Variants in SLC15A5 observed in about 807,000 individuals in gnomAD.
SLC15A5 encodes Peptide/histidine transporter ENSP00000340402.
Under a neutral mutation model 56.1 loss-of-function variants are expected in SLC15A5, and 58 were observed. The observed-to-expected ratio is 1.03, with a 90% CI of 0.84 to 1.29. SLC15A5 has a LOEUF of 1.29. Among genes scored for constraint, SLC15A5 ranks in the 50% most tolerant of loss-of-function variants. The pLI is 0.00. For missense variants in SLC15A5, 681 were observed against 672.1 expected (o/e 1.01, Z -0.15); for synonymous variants, 264 against 250.5 (o/e 1.05, Z -0.51).
intron 8 of SLC15A5, among the ~76,000 whole-genome samples, chr12:16,193,756 C>CAG (rs2136237099): frequency 1.8e-5 from 2 of 111,738 alleles, no homozygotes; most frequent in Admixed American, 9.9e-5. Flanking sequence ...CAAAAGTACA[C>CAG]AGCTGTCCAA....
At position 16,224,455 on chromosome 12, in the gene SLC15A5, T is replaced by A; in HGVS notation, c.1310A>T (p.Tyr437Phe). ...SMPCFYLILQ[Y>F]VLLGVAETLV... ...TGTTTCCGCCACTCCAAGTAAAACA[T>A]ACTGAAGAATCAGGTAGAAACAGGG... The change falls in exon 6 of 9, where the codon TAT becomes TTT. Residue 437 changes from tyrosine (Y) to phenylalanine (F), a missense_variant. Coordinates refer to ENST00000344941, the MANE Select transcript of SLC15A5 (RefSeq NM_001170798.1). The A allele has an allele frequency of 2.0e-6, 3 of 1,537,262 alleles. No homozygotes were observed. Among genetic ancestry groups the A allele is most frequent in the Non-Finnish European group, 2.6e-6 (3 of 1,146,900 alleles).
At position 16,189,818 on chromosome 12, in the gene SLC15A5, A is replaced by G. The variant is rs1238462025; in HGVS notation, c.1593-3T>C. 1.4e-6 allele frequency: 2 copies of G among 1,476,676 alleles called. No homozygotes were observed. Among genetic ancestry groups the G allele is most frequent in the Non-Finnish European group, 1.8e-6 (2 of 1,118,634 alleles). 91.5% of individuals were successfully genotyped at this position (1,476,676 alleles called of 1,614,324 possible). ...TAAAATGATTTAGATTACAATATCT[A>G]AAAAAGAAAGAAAGAAAGCTTTTCT... On this transcript the variant is annotated splice_polypyrimidine_tract_variant and splice_region_variant and intron_variant, in intron 8 of 8. Coordinates refer to ENST00000344941, the MANE Select transcript of SLC15A5 (RefSeq NM_001170798.1).
chr12:16,240,191 T>C (rs904436307), intron 4 of SLC15A5, among the ~76,000 whole-genome samples: 39 of 152,324 alleles, frequency 2.6e-4, no homozygotes, highest in African/African-American at 8.7e-4. Context: ...ACTTAAATTC[T>C]GTAGATAAGC....
chr12:16,263,038 C>T (rs1393685311), intron 2 of SLC15A5, among the ~76,000 whole-genome samples: 5 of 152,236 alleles, frequency 3.3e-5, no homozygotes, highest in Non-Finnish European at 7.3e-5. Flanking sequence ...GCATGGGGCA[C>T]TGCTGAAAAG....
chr12:16,194,268 T>G (rs1863872955), intron 8 of SLC15A5, 77 bp downstream of exon 8: 1 of 847,828 alleles, frequency 1.2e-6, no homozygotes, highest in Admixed American at 2.4e-5. Context: ...TGTACAGAAT[T>G]CCCTGGCTCA....
intron 3 of SLC15A5, among the ~76,000 whole-genome samples, chr12:16,253,381 T>C (rs529586359): frequency 6.6e-6 from 1 of 152,196 alleles, no homozygotes; most frequent in Admixed American, 6.5e-5. Context: ...GCAAAACATA[T>C]GTCTGATATG....
At chr12:16,214,188 A>G (rs1864109070) in intron 7 of SLC15A5, among the ~76,000 whole-genome samples, 1 of 152,262 alleles carries the variant, frequency 6.6e-6, no homozygotes, top group Non-Finnish European at 1.5e-5. Context: ...AAAAGCTCCT[A>G]CTATACTATA....
intron 2 of SLC15A5, among the ~76,000 whole-genome samples, chr12:16,265,106 T>A (rs1158833920): frequency 6.6e-6 from 1 of 152,188 alleles, no homozygotes; most frequent in Non-Finnish European, 1.5e-5. Context: ...TCATATGATC[T>A]TGTTTTCAGT....
intron 3 of SLC15A5, among the ~76,000 whole-genome samples, chr12:16,252,390 G>A (rs1214456750): frequency 3.3e-5 from 5 of 152,134 alleles, no homozygotes; most frequent in Admixed American, 3.3e-4. Context: ...CAGACGGCAT[G>A]ATCTTATATG....
intron 8 of SLC15A5, among the ~76,000 whole-genome samples, chr12:16,193,109 A>C (rs1863853788): frequency 6.6e-6 from 1 of 152,092 alleles, no homozygotes; most frequent in Non-Finnish European, 1.5e-5. Flanking sequence ...TGGAGGCAGT[A>C]GATGGAGGGG....
At chr12:16,224,627 A>G in intron 5 of SLC15A5, 25 bp from the exon 6 acceptor site, 1 of 1,516,522 alleles carries the variant, frequency 6.6e-7, no homozygotes, top group Non-Finnish European at 8.8e-7. Flanking sequence ...TGCAAAAGAA[A>G]AAAAAGTTAA....
intron 2 of SLC15A5, among the ~76,000 whole-genome samples, chr12:16,264,379 C>A (rs1463943921): frequency 6.6e-6 from 1 of 152,166 alleles, no homozygotes; most frequent in African/African-American, 2.4e-5. Flanking sequence ...AATACCTGTA[C>A]CCCCATTATA....
At chr12:16,270,027 C>A (rs1424590987) in intron 2 of SLC15A5, among the ~76,000 whole-genome samples, 1 of 152,162 alleles carries the variant, frequency 6.6e-6, no homozygotes, top group Non-Finnish European at 1.5e-5. Context: ...GATAATGACA[C>A]AAGGATGTTG....
At chr12:16,272,929 G>GAA in intron 1 of SLC15A5, 146 bp from the exon 2 acceptor site, 1 of 734,910 alleles carries the variant, frequency 1.4e-6, no homozygotes, top group Non-Finnish European at 2.2e-6. Context: ...CAATTTCAGG[G>GAA]ATAGCCTGAT....
At chr12:16,199,869 A>G (rs899570867) in intron 7 of SLC15A5, among the ~76,000 whole-genome samples, 1 of 152,116 alleles carries the variant, frequency 6.6e-6, no homozygotes, top group African/African-American at 2.4e-5. Context: ...GGGGGGTGCC[A>G]GATAGCCATG....
intron 2 of SLC15A5, among the ~76,000 whole-genome samples, chr12:16,266,361 A>C (rs185712024): frequency 6.6e-6 from 1 of 152,360 alleles, no homozygotes; most frequent in East Asian, 1.9e-4. Flanking sequence ...AGTATACCAC[A>C]TGGTGATGTA....
chr12:16,233,953 C>G (rs1056650108), intron 5 of SLC15A5, among the ~76,000 whole-genome samples: 7 of 152,282 alleles, frequency 4.6e-5, no homozygotes, highest in African/African-American at 1.7e-4. Flanking sequence ...AAATTTCAAG[C>G]AAAGCACACA....
At chr12:16,222,728 G>A (rs1023540871) in intron 6 of SLC15A5, among the ~76,000 whole-genome samples, 1 of 152,116 alleles carries the variant, frequency 6.6e-6, no homozygotes, top group Non-Finnish European at 1.5e-5. Flanking sequence ...TTGGTTTTCT[G>A]TACCTCTCTG....
chr12:16,275,027 C>T lies in SLC15A5; in HGVS notation c.362-2244G>A, dbSNP rs117742790. Among the ~76,000 whole-genome samples the T allele has an allele frequency of 9.5e-3, 1,439 of 152,146 alleles. 10 individuals are homozygous for T. The highest frequency in any genetic ancestry group is 0.014 in the Non-Finnish European group (934 of 67,962). ...TGTAGAAGCACCATGATGTGTCATA[C>T]CCCCTGCCAGGTGATGGGGGTCCGC... On this transcript the variant is annotated intron_variant, in intron 1 of 8. Coordinates refer to ENST00000344941, the MANE Select transcript of SLC15A5 (RefSeq NM_001170798.1).
Sources: allele counts gnomAD v4.1 joint callset (sites outside exome capture counted in the v4.1 genomes callset), GRCh38; gene constraint gnomAD v4.1.1; transcripts MANE v1.5; gene names NCBI Gene and HGNC (gene_info 2026-07-23, HGNC 2026-07-21).